NCOR1: variants seen among roughly 807,000 people sequenced by gnomAD.
NCOR1 encodes nuclear receptor corepressor 1.
Under a neutral mutation model 288.1 loss-of-function variants are expected in NCOR1, and 63 were observed. The observed-to-expected ratio is 0.22, with a 90% confidence interval of 0.18 to 0.27. The LOEUF is 0.27. Among genes scored for constraint, NCOR1 ranks in the 10% least tolerant of loss-of-function variants. NCOR1 has a pLI of 1.00. For synonymous variants in NCOR1, 1,007 were observed against 1,065.9 expected (o/e 0.94, Z 1.08); for missense variants, 2,397 against 3,019.2 (o/e 0.79, Z 4.83).
chr17:16,202,019 G>C (rs2090879484), intron 1 of NCOR1, among the ~76,000 whole-genome samples: 1 of 152,162 alleles, frequency 6.6e-6, no homozygotes, highest in African/African-American at 2.4e-5. Context: ...GAGGTCAAGA[G>C]TTCAAGACCA....
chr17:16,159,375 T>C (rs1299058636), intron 5 of NCOR1, among the ~76,000 whole-genome samples: 1 of 131,386 alleles, frequency 7.6e-6, no homozygotes, highest in Non-Finnish European at 1.5e-5. Context: ...ATAACGCCAC[T>C]GCACTCCAGC....
intron 21 of NCOR1, among the ~76,000 whole-genome samples, chr17:16,098,015 T>A (rs902218067): frequency 6.6e-6 from 1 of 152,212 alleles, no homozygotes; most frequent in Non-Finnish European, 1.5e-5. Context: ...TAGTAAGTAT[T>A]GTGGGAAAGA....
chr17:16,097,262 G>A (rs1195741721), intron 21 of NCOR1, among the ~76,000 whole-genome samples: 1 of 152,198 alleles, frequency 6.6e-6, no homozygotes, highest in Admixed American at 6.5e-5. Flanking sequence ...TTTGGGGATT[G>A]GGGTAGGATG....
intron 1 of NCOR1, among the ~76,000 whole-genome samples, chr17:16,203,244 T>C (rs1441829882): frequency 6.6e-6 from 1 of 152,204 alleles, no homozygotes; most frequent in Non-Finnish European, 1.5e-5. Context: ...TCCCCAAGGA[T>C]TTCCTACGCA....
At position 16,029,329 on chromosome 17, in the gene NCOR1, C is replaced by T. The variant is rs933355090; in HGVS notation, c.*2967G>A. 6.9e-6 allele frequency: 3 copies of T among 437,230 alleles called. No individual in the cohort carries two copies. The highest frequency in any genetic ancestry group is 6.1e-5 in the African/African-American group (3 of 49,040). The allele number at this position is 437,230 out of a possible 1,614,324, so 27.1% of individuals were successfully genotyped here. On this transcript the variant is annotated 3_prime_UTR_variant, in exon 46 of 46. Transcript: ENST00000268712. ...ATAAGGTACTGAAGCAAAAGGAGGA[C>T]TGATCTCCTTTACTGATTGGTCTAA...
intron 4 of NCOR1, among the ~76,000 whole-genome samples, chr17:16,167,426 T>G (rs2082222302): frequency 6.6e-6 from 1 of 151,420 alleles, no homozygotes; most frequent in Non-Finnish European, 1.5e-5. Flanking sequence ...TATAAGAGGC[T>G]TATTAGCAAA....
chr17:16,145,514 C>T (rs2077795357), intron 10 of NCOR1, among the ~76,000 whole-genome samples: 1 of 147,522 alleles, frequency 6.8e-6, no homozygotes, highest in Non-Finnish European at 1.5e-5. Flanking sequence ...GGCCACGACC[C>T]CGTCTGGGAA....
At chr17:16,091,635 T>A in intron 22 of NCOR1, 1 of 1,365,266 alleles carries the variant, frequency 7.3e-7, no homozygotes, top group African/African-American at 1.5e-5. Flanking sequence ...TATCAGAAAA[T>A]TCACATTAAC....
intron 3 of NCOR1, among the ~76,000 whole-genome samples, chr17:16,175,742 G>C (rs931844408): frequency 1.3e-5 from 2 of 151,520 alleles, no homozygotes; most frequent in African/African-American, 2.4e-5. Flanking sequence ...AAATTTGTCA[G>C]GCACAATGCC....
chr17:16,064,816 A>C (rs1017628916), intron 34 of NCOR1, 54 bp downstream of exon 34: 9 of 1,466,626 alleles, frequency 6.1e-6, no homozygotes, highest in Admixed American at 4.6e-5. Context: ...GCTATGTTGT[A>C]AAAATGTAAA....
At position 16,138,176 on chromosome 17, in the gene NCOR1, T is replaced by G; in HGVS notation, c.1389A>C (p.Ala463=). 1 of 1,613,240 alleles carries G rather than the reference T, an allele frequency of 6.2e-7. No individual in the cohort carries two copies. The highest frequency in any genetic ancestry group is 8.5e-7 in the Non-Finnish European group (1 of 1,179,434). The change falls in exon 13 of 46, where the codon GCA becomes GCC. Residue 463 remains alanine (A), a synonymous_variant. Coordinates refer to ENST00000268712, the MANE Select transcript of NCOR1 (RefSeq NM_006311.4). ...IQHPKNFGLI[A]SYLERKSVPD... ...GTCTTACCTTCCTCTCCAAGTATGA[T>G]GCAATTAGTCCAAAGTTTTTTGGAT...
chr17:16,080,187 A>G (rs1221453550), intron 25 of NCOR1, 123 bp from the exon 26 acceptor site: 2 of 844,342 alleles, frequency 2.4e-6, no homozygotes, highest in Non-Finnish European at 3.7e-6. Context: ...CACAAAACCC[A>G]TCATGTTTGT....
At chr17:16,070,626 G>C in intron 30 of NCOR1, 101 bp from the exon 31 acceptor site, 1 of 1,463,658 alleles carries the variant, frequency 6.8e-7, no homozygotes, top group Non-Finnish European at 9.2e-7. Context: ...TCACTGTGGT[G>C]ATCTTTTTTG....
In NCOR1 at chr17:16,090,988, A is replaced by G. The variant is rs143553027; in HGVS notation, c.3016+875T>C. Among the ~76,000 whole-genome samples, 3 of 152,330 alleles carry G rather than the reference A, an allele frequency of 2.0e-5. No individual in the cohort carries two copies. In the East Asian group the frequency reaches 5.8e-4, roughly 29 times the overall value. ...ATCGTAGCATATAAGTAGACTATAA[A>G]CTCATTCTTAACCAGAAACATGTGC... On this transcript the variant is annotated intron_variant, in intron 22 of 45. Coordinates refer to ENST00000268712, the MANE Select transcript of NCOR1 (RefSeq NM_006311.4).
chr17:16,065,948 A>G lies in NCOR1; in HGVS notation c.4742-254T>C, dbSNP rs1305072205. ...AAACTTCTCAAGTAGTTTTACTTTCAATCTTTGACATGTAACTTTATCATA... is the reference window on the plus strand; with the variant it reads ...AAACTTCTCAAGTAGTTTTACTTTCGATCTTTGACATGTAACTTTATCATA... On this transcript the variant is annotated intron_variant, in intron 32 of 45. Coordinates refer to ENST00000268712, the MANE Select transcript of NCOR1 (RefSeq NM_006311.4). The G allele has an allele frequency of 2.1e-5, 10 of 485,082 alleles. No individual in the cohort carries two copies. In the East Asian group the frequency reaches 2.2e-4, roughly 11 times the overall value. The allele number at this position is 485,082 out of a possible 1,614,324, so 30.0% of individuals were successfully genotyped here. A position where few individuals can be genotyped will look rare whatever the true frequency, so the allele number is the denominator to read the frequency against.
At chr17:16,190,207 G>C (rs758289287) in intron 2 of NCOR1, among the ~76,000 whole-genome samples, 1 of 152,210 alleles carries the variant, frequency 6.6e-6, no homozygotes, top group African/African-American at 2.4e-5. Flanking sequence ...TTCAGCCTGG[G>C]TGATAGAGTG....
Position 16,136,174 on chromosome 17 carries a change from T to G in NCOR1, c.1509+1137A>C, listed in dbSNP as rs559853481. On this transcript the variant is annotated intron_variant, in intron 14 of 45. Transcript: ENST00000268712. ...AGTTTTATACTTCTGGAAAACTACC[T>G]TTAGTAAAAGTGCCTTTTTTATTTT... Among the ~76,000 whole-genome samples the G allele has an allele frequency of 2.0e-5, 3 of 152,308 alleles. No homozygotes were observed. In the East Asian group the frequency reaches 5.8e-4, roughly 29 times the overall value.
At position 16,095,427 on chromosome 17, in the gene NCOR1, T is replaced by C. The variant is rs1459715587; in HGVS notation, c.2820+2940A>G. ...AGCCCCCGCCAGGCCAGCCGCCCCA[T>C]CCGGGAGGGAGGTGGGGGGTCAGCC... On this transcript the variant is annotated intron_variant, in intron 21 of 45. Coordinates refer to ENST00000268712, the MANE Select transcript of NCOR1 (RefSeq NM_006311.4). 2.1e-4 allele frequency among the ~76,000 whole-genome samples: 29 copies of C among 139,886 alleles called. No homozygotes were observed. In the East Asian group the frequency reaches 5.5e-3, roughly 27 times the overall value. 91.8% of individuals were successfully genotyped at this position (139,886 alleles called of 152,430 possible). A position where few individuals can be genotyped will look rare whatever the true frequency, so the allele number is the denominator to read the frequency against.
chr17:16,138,860 C>T (rs1599263745), intron 12 of NCOR1, 148 bp downstream of exon 12: 2 of 574,794 alleles, frequency 3.5e-6, no homozygotes, highest in Admixed American at 3.1e-5. Context: ...ACAGGAAGAT[C>T]AATATTCTCT....
Sources: gnomAD v4.1 joint callset for allele counts (sites outside exome capture counted in the v4.1 genomes callset) on GRCh38, gnomAD v4.1.1 for gene constraint, MANE v1.5 for transcripts, NCBI Gene and HGNC (gene_info 2026-07-23, HGNC 2026-07-21) for gene names.